The following GPHN variants were observed in gnomAD, a reference collection of about 807,000 sequenced individuals.
GPHN encodes gephyrin.
GPHN carries 17 observed loss-of-function variants against 95.5 expected under a neutral mutation model. That is an observed-to-expected ratio of 0.18 (90% CI 0.12 to 0.27). The LOEUF (loss-of-function observed/expected upper bound fraction) is 0.27. Ranked by LOEUF, GPHN falls within the 10% of genes least tolerant of loss-of-function variation. GPHN has a pLI of 1.00. For synonymous variants in GPHN, 320 were observed against 322.5 expected, an observed-to-expected ratio of 0.99 and a Z score of 0.08; for missense variants, 660 against 978.1, an observed-to-expected ratio of 0.67 and a Z score of 4.34.
At chr14:67,263,445 T>G in the GPHN span, among the ~76,000 whole-genome samples, 1 of 152,220 alleles carries the variant, frequency 6.6e-6, no homozygotes, top group Non-Finnish European at 1.5e-5. Flanking sequence ...CTTCATAGAA[T>G]TTCATTGTTT....
intron 1 of GPHN, among the ~76,000 whole-genome samples, chr14:66,635,198 A>G (rs903134689): frequency 1.3e-5 from 2 of 152,170 alleles, no homozygotes; most frequent in African/African-American, 2.4e-5. Context: ...TAGGTGACCA[A>G]TTGGTAGCTG....
chr14:66,534,008 T>TA (rs925029035), intron 1 of GPHN, among the ~76,000 whole-genome samples: 11 of 152,310 alleles, frequency 7.2e-5, no homozygotes, highest in African/African-American at 2.6e-4. Flanking sequence ...GAGTTGGGGC[T>TA]AAAATACCTT....
chr14:66,605,753 C>T (rs1319863900), intron 1 of GPHN, among the ~76,000 whole-genome samples: 3 of 151,908 alleles, frequency 2.0e-5, no homozygotes, highest in South Asian at 2.1e-4. Context: ...AGGATGGTCT[C>T]GATCTCCTGA....
the GPHN span, among the ~76,000 whole-genome samples, chr14:67,433,790 T>C: frequency 3.3e-5 from 5 of 152,162 alleles, no homozygotes; most frequent in African/African-American, 1.2e-4. Flanking sequence ...TGATATAAGA[T>C]GAATAAGCAT....
the GPHN span, among the ~76,000 whole-genome samples, chr14:67,378,474 A>G: frequency 6.6e-6 from 1 of 152,162 alleles, no homozygotes; most frequent in Non-Finnish European, 1.5e-5. Flanking sequence ...GAGATTAAAT[A>G]ATTTGTTCAA....
chr14:66,560,706 C>T (rs2060197462), intron 1 of GPHN, among the ~76,000 whole-genome samples: 1 of 152,288 alleles, frequency 6.6e-6, no homozygotes, highest in Non-Finnish European at 1.5e-5. Context: ...ATTTGACTTC[C>T]TCTTTTCCTA....
intron 8 of GPHN, among the ~76,000 whole-genome samples, chr14:66,944,459 C>T (rs1481993850): frequency 6.6e-6 from 1 of 152,228 alleles, no homozygotes; most frequent in Non-Finnish European, 1.5e-5. Context: ...TATGGAAAGT[C>T]ATGCAAATCA....
chr14:66,684,855 C>T (rs1364214969), intron 2 of GPHN, among the ~76,000 whole-genome samples: 1 of 151,986 alleles, frequency 6.6e-6, no homozygotes, highest in Non-Finnish European at 1.5e-5. Flanking sequence ...CACTCATTAA[C>T]TCGTCATTTA....
At chr14:67,156,970 C>CAA (rs769476551) in intron 18 of GPHN, among the ~76,000 whole-genome samples, 15 of 86,138 alleles carry the variant, frequency 1.7e-4, no homozygotes, top group East Asian at 3.4e-4. Flanking sequence ...GACTCTGTCT[C>CAA]AAAAAAAAAA....
At chr14:66,771,390 A>G (rs1170504661) in intron 2 of GPHN, among the ~76,000 whole-genome samples, 1 of 152,178 alleles carries the variant, frequency 6.6e-6, no homozygotes, top group Non-Finnish European at 1.5e-5. Context: ...GTAGCCACCC[A>G]GAGATAACAG....
At chr14:67,161,638 G>A (rs1410782875) in intron 19 of GPHN, among the ~76,000 whole-genome samples, 1 of 152,024 alleles carries the variant, frequency 6.6e-6, no homozygotes, top group Non-Finnish European at 1.5e-5. Flanking sequence ...GCACATGCCT[G>A]TAGTCCCAGC....
chr14:67,519,071 T>C, the GPHN span, among the ~76,000 whole-genome samples: 1 of 152,168 alleles, frequency 6.6e-6, no homozygotes, highest in Admixed American at 6.5e-5. Flanking sequence ...ATGGGACATA[T>C]GGATATGGTC....
chr14:67,360,425 G>A, the GPHN span: 1 of 391,410 alleles, frequency 2.6e-6, no homozygotes, highest in East Asian at 3.6e-5. Context: ...TCGGCTCTGG[G>A]CTCCAGTGCG....
the GPHN span, among the ~76,000 whole-genome samples, chr14:67,406,786 C>T: frequency 1.3e-5 from 2 of 152,166 alleles, no homozygotes; most frequent in Non-Finnish European, 2.9e-5. Context: ...TAAACCACAC[C>T]ATGCACAGAG....
chr14:67,528,784 T>C, the GPHN span, among the ~76,000 whole-genome samples: 687 of 152,260 alleles, frequency 4.5e-3, 21 homozygotes, highest in East Asian at 0.065. Context: ...GCCCTGGCAG[T>C]TGCTCTCTGA....
the GPHN span, among the ~76,000 whole-genome samples, chr14:67,664,512 C>A: frequency 1.1e-5 from 1 of 93,670 alleles, no homozygotes; most frequent in African/African-American, 3.9e-5. Flanking sequence ...TTTTTTTTTT[C>A]TTGAGACAGA....
chr14:67,313,505 A>G, the GPHN span, among the ~76,000 whole-genome samples: 1 of 152,174 alleles, frequency 6.6e-6, no homozygotes. Context: ...AGATATAATT[A>G]TTTTCTACAA....
At chr14:67,174,080 T>G (rs2082758479) in intron 21 of GPHN, among the ~76,000 whole-genome samples, 1 of 152,188 alleles carries the variant, frequency 6.6e-6, no homozygotes, top group South Asian at 2.1e-4. Flanking sequence ...GTCAACAAAT[T>G]TTTTTATTAT....
chr14:67,417,561 A>G, the GPHN span, among the ~76,000 whole-genome samples: 1 of 151,638 alleles, frequency 6.6e-6, no homozygotes, highest in Non-Finnish European at 1.5e-5. Flanking sequence ...CCTCCTGAGT[A>G]GCTGAGACTA....
Sources: allele counts gnomAD v4.1 joint callset (sites outside exome capture counted in the v4.1 genomes callset), GRCh38; gene constraint gnomAD v4.1.1; transcripts MANE v1.5; gene names NCBI Gene and HGNC (gene_info 2026-07-23, HGNC 2026-07-21).